The following LRMDA variants were observed in gnomAD, a reference collection of about 807,000 sequenced individuals.
The protein encoded by LRMDA is leucine rich melanocyte differentiation associated, also known as leucine-rich melanocyte differentiation-associated protein.
Under a neutral mutation model 29.8 loss-of-function variants are expected in LRMDA, and 18 were observed. The observed-to-expected ratio is 0.60, with a 90% confidence interval of 0.42 to 0.90. LRMDA has a LOEUF of 0.90. LRMDA is among the 40% of genes least tolerant of loss of function. LRMDA has a pLI of 0.00. For missense variants in LRMDA, 273 were observed against 273.9 expected (o/e 1.00, Z 0.02); for synonymous variants, 125 against 109.4 (o/e 1.14, Z -0.89).
chr10:76,267,567 C>T (rs771151583), intron 5 of LRMDA, among the ~76,000 whole-genome samples: 1 of 152,194 alleles, frequency 6.6e-6, no homozygotes, highest in Non-Finnish European at 1.5e-5. Flanking sequence ...TGGAATCATG[C>T]AATATCTGTC....
At chr10:75,608,641 C>G (rs753841126) in intron 2 of LRMDA, among the ~76,000 whole-genome samples, 2 of 152,044 alleles carry the variant, frequency 1.3e-5, no homozygotes, top group Non-Finnish European at 2.9e-5. Context: ...TAACAAAACC[C>G]AAGAGCCATA....
chr10:75,998,677 G>A (rs1847512904), intron 2 of LRMDA, among the ~76,000 whole-genome samples: 1 of 152,196 alleles, frequency 6.6e-6, no homozygotes, highest in African/African-American at 2.4e-5. Flanking sequence ...GCCGGGTGGT[G>A]GGACCATGAG....
intron 2 of LRMDA, among the ~76,000 whole-genome samples, chr10:75,846,851 A>C (rs1844647091): frequency 6.6e-6 from 1 of 152,222 alleles, no homozygotes; most frequent in African/African-American, 2.4e-5. Context: ...TTGCTAAAAG[A>C]AATCAAAGGT....
At chr10:76,475,983 A>G (rs1842665865) in intron 6 of LRMDA, among the ~76,000 whole-genome samples, 1 of 152,172 alleles carries the variant, frequency 6.6e-6, no homozygotes, top group Non-Finnish European at 1.5e-5. Flanking sequence ...CATCACAATT[A>G]AAAGAAGTAG....
intron 2 of LRMDA, among the ~76,000 whole-genome samples, chr10:75,859,276 T>TGGATG (rs1306831613): frequency 1.3e-5 from 2 of 152,318 alleles, no homozygotes; most frequent in East Asian, 3.9e-4. Flanking sequence ...TAAATGGTAC[T>TGGATG]GGATGCTGTC....
intron 2 of LRMDA, among the ~76,000 whole-genome samples, chr10:75,679,098 A>G (rs1164685968): frequency 3.3e-5 from 5 of 152,298 alleles, no homozygotes; most frequent in African/African-American, 1.2e-4. Flanking sequence ...TTCTGAAGCA[A>G]TCTGTTCTGT....
intron 6 of LRMDA, among the ~76,000 whole-genome samples, chr10:76,331,806 T>C (rs2132407954): frequency 6.6e-6 from 1 of 152,352 alleles, no homozygotes; most frequent in African/African-American, 2.4e-5. Context: ...TTCATAATGC[T>C]TTTATGGGCT....
chr10:76,053,995 C>T (rs1848570578), intron 4 of LRMDA, among the ~76,000 whole-genome samples: 1 of 152,122 alleles, frequency 6.6e-6, no homozygotes, highest in Non-Finnish European at 1.5e-5. Context: ...AATACTGATG[C>T]CCACTGAAGT....
intron 2 of LRMDA, among the ~76,000 whole-genome samples, chr10:75,788,666 C>T (rs1285703286): frequency 6.6e-6 from 1 of 152,186 alleles, no homozygotes; most frequent in African/African-American, 2.4e-5. Flanking sequence ...TAAGAGAGAG[C>T]TGTTTGTTAA....
At chr10:75,567,931 A>G (rs1840393198) in intron 2 of LRMDA, among the ~76,000 whole-genome samples, 1 of 152,226 alleles carries the variant, frequency 6.6e-6, no homozygotes, top group Non-Finnish European at 1.5e-5. Context: ...GGTGTCTTCA[A>G]ATATCTGTTT....
intron 2 of LRMDA, among the ~76,000 whole-genome samples, chr10:75,749,072 C>A (rs1444007848): frequency 6.6e-6 from 1 of 152,024 alleles, no homozygotes; most frequent in Non-Finnish European, 1.5e-5. Context: ...CAAGACCAAC[C>A]CCCACTTCTT....
At chr10:75,917,958 TGC>T (rs937329120) in intron 2 of LRMDA, among the ~76,000 whole-genome samples, 10 of 115,928 alleles carry the variant, frequency 8.6e-5, no homozygotes, top group East Asian at 5.1e-4. Context: ...CATGCACATG[TGC>T]GCACACACAC....
At chr10:75,972,720 C>T (rs1209839678) in intron 2 of LRMDA, among the ~76,000 whole-genome samples, 4 of 152,082 alleles carry the variant, frequency 2.6e-5, no homozygotes, top group East Asian at 1.9e-4. Flanking sequence ...CATGAGAGAT[C>T]GGAGAGAGGC....
chr10:76,412,193 G>T (rs73292512), intron 6 of LRMDA, among the ~76,000 whole-genome samples: 1 of 152,162 alleles, frequency 6.6e-6, no homozygotes, highest in African/African-American at 2.4e-5. Context: ...TGGAGGAATG[G>T]TTAAGAAAAG....
intron 5 of LRMDA, among the ~76,000 whole-genome samples, chr10:76,111,626 G>A (rs901822300): frequency 2.0e-5 from 3 of 152,142 alleles, no homozygotes; most frequent in Non-Finnish European, 4.4e-5. Flanking sequence ...AAGACATTAG[G>A]CACCCACTTT....
chr10:76,541,369 C>CA (rs1024122795), intron 6 of LRMDA, among the ~76,000 whole-genome samples: 13 of 152,250 alleles, frequency 8.5e-5, no homozygotes, highest in African/African-American at 3.1e-4. Flanking sequence ...GGCATGGGGG[C>CA]ACATGCCTGT....
intron 5 of LRMDA, among the ~76,000 whole-genome samples, chr10:76,272,826 G>T (rs919801365): frequency 1.3e-5 from 2 of 152,146 alleles, no homozygotes; most frequent in African/African-American, 4.8e-5. Context: ...AACTTACATG[G>T]CAGGGAGAGA....
intron 6 of LRMDA, among the ~76,000 whole-genome samples, chr10:76,464,107 C>A (rs997263832): frequency 6.6e-6 from 1 of 151,796 alleles, no homozygotes; most frequent in Non-Finnish European, 1.5e-5. Context: ...TTAGTAGAGA[C>A]AGGGTTTCTC....
At chr10:76,438,095 C>T (rs887925319) in intron 6 of LRMDA, among the ~76,000 whole-genome samples, 4 of 152,152 alleles carry the variant, frequency 2.6e-5, no homozygotes, top group South Asian at 4.1e-4. Context: ...AAAACACAGA[C>T]GTGTGGTGAT....
Sources: allele counts gnomAD v4.1 joint callset (sites outside exome capture counted in the v4.1 genomes callset), GRCh38; gene constraint gnomAD v4.1.1; transcripts MANE v1.5; gene names NCBI Gene and HGNC (gene_info 2026-07-23, HGNC 2026-07-21).